The following AHCYL2 variants were observed in gnomAD, a reference collection of about 807,000 sequenced individuals.
AHCYL2 encodes the protein adenosylhomocysteinase like 2.
A neutral mutation model predicts 81.4 loss-of-function variants in AHCYL2; 28 were observed. That is an observed-to-expected ratio of 0.34 (90% CI 0.25 to 0.47). AHCYL2 has a LOEUF of 0.47. Ranked by LOEUF, AHCYL2 falls within the 20% of genes least tolerant of loss-of-function variation. The probability of loss-of-function intolerance (pLI) is 1.00; values close to 1 mark genes in which losing one functional copy is unlikely to be tolerated. For synonymous variants in AHCYL2, 272 were observed against 290.2 expected (o/e 0.94, Z 0.64); for missense variants, 551 against 785.1 (o/e 0.70, Z 3.56).
chr7:129,341,204 T>C (rs985482567), intron 1 of AHCYL2, among the ~76,000 whole-genome samples: 1 of 152,216 alleles, frequency 6.6e-6, no homozygotes. Context: ...TAGCAAAGAA[T>C]AGAAATTTTT....
chr7:129,418,437 C>T (rs1293734604), intron 12 of AHCYL2, among the ~76,000 whole-genome samples: 4 of 152,050 alleles, frequency 2.6e-5, no homozygotes, highest in African/African-American at 9.7e-5. Flanking sequence ...GTAGCTGGGA[C>T]TACAGGCGCC....
intron 1 of AHCYL2, among the ~76,000 whole-genome samples, chr7:129,378,051 C>T (rs1192413343): frequency 2.0e-5 from 3 of 151,848 alleles, no homozygotes; most frequent in Non-Finnish European, 4.4e-5. Context: ...TGGTGGCTCA[C>T]GCCTGTAATC....
intron 9 of AHCYL2, 25 bp downstream of exon 9, chr7:129,405,924 A>T (rs12706882): frequency 6.2e-7 from 1 of 1,605,454 alleles, no homozygotes; most frequent in East Asian, 2.2e-5. Flanking sequence ...TTTGTTTATT[A>T]GGTGTTTTAA....
intron 1 of AHCYL2, among the ~76,000 whole-genome samples, chr7:129,263,061 A>T (rs997210976): frequency 3.3e-5 from 5 of 152,206 alleles, no homozygotes; most frequent in African/African-American, 1.2e-4. Context: ...TAAGCTGGGG[A>T]TGTGATCAAA....
chr7:129,394,881 TA>T (rs113751975), intron 4 of AHCYL2, among the ~76,000 whole-genome samples: 39 of 152,318 alleles, frequency 2.6e-4, no homozygotes, highest in Admixed American at 2.5e-3. Flanking sequence ...ATCCTGTGTA[TA>T]AAAAAATATA....
intron 1 of AHCYL2, among the ~76,000 whole-genome samples, chr7:129,339,821 C>T (rs1324124421): frequency 4.6e-5 from 7 of 152,072 alleles, no homozygotes; most frequent in Admixed American, 6.5e-5. Flanking sequence ...TGAGCCACCT[C>T]GCCTGGCCAC....
intron 1 of AHCYL2, among the ~76,000 whole-genome samples, chr7:129,309,157 A>T (rs545595569): frequency 6.6e-6 from 1 of 152,140 alleles, no homozygotes; most frequent in African/African-American, 2.4e-5. Flanking sequence ...ACTTGAACCC[A>T]GGAGGTGGAG....
At chr7:129,274,557 C>T (rs969493611) in intron 1 of AHCYL2, among the ~76,000 whole-genome samples, 3 of 152,124 alleles carry the variant, frequency 2.0e-5, no homozygotes, top group Non-Finnish European at 4.4e-5. Flanking sequence ...TTCCCTTGTC[C>T]CCTTGAATCT....
intron 1 of AHCYL2, among the ~76,000 whole-genome samples, chr7:129,296,392 G>A (rs1173566386): frequency 6.6e-6 from 1 of 152,228 alleles, no homozygotes; most frequent in African/African-American, 2.4e-5. Flanking sequence ...ATTTTCTGGT[G>A]TTATGTTGGC....
chr7:129,394,203 A>C (rs1170912442), intron 4 of AHCYL2, among the ~76,000 whole-genome samples: 2 of 151,416 alleles, frequency 1.3e-5, no homozygotes, highest in African/African-American at 4.9e-5. Context: ...TAGAGAAGAG[A>C]TCTTGCTGTG....
rs151175868 is a variant in AHCYL2, at chr7:129,236,290, T to G, written c.363+10851T>G. On this transcript the variant is annotated intron_variant, in intron 1 of 16. Transcript: ENST00000325006. ...ATCTCAGCTCACTGCAACCTCCGTC[T>G]TTCAGGTTCAAGCGATTCTCTTGCC... Among the ~76,000 whole-genome samples the G allele has an allele frequency of 7.5e-3, 1,145 of 152,132 alleles. 13 individuals are homozygous for G. Among genetic ancestry groups the G allele is most frequent in the African/African-American group, 0.026 (1,061 of 41,482 alleles).
At chr7:129,359,172 A>G (rs1584821439) in intron 1 of AHCYL2, among the ~76,000 whole-genome samples, 1 of 152,366 alleles carries the variant, frequency 6.6e-6, no homozygotes, top group African/African-American at 2.4e-5. Context: ...ACTTTCCCAC[A>G]ATATAAATAA....
chr7:129,307,836 C>T (rs1318556497), intron 1 of AHCYL2, among the ~76,000 whole-genome samples: 9 of 151,788 alleles, frequency 5.9e-5, no homozygotes, highest in Non-Finnish European at 1.3e-4. Flanking sequence ...TGAATCCTGC[C>T]AGGACTGTTT....
chr7:129,362,605 T>G (rs1049982629), intron 1 of AHCYL2, among the ~76,000 whole-genome samples: 11 of 143,934 alleles, frequency 7.6e-5, no homozygotes, highest in East Asian at 4.0e-4. Context: ...TTGTTTTTTT[T>G]TTTTTTTTTT....
chr7:129,349,314 T>C (rs570009864), intron 1 of AHCYL2, among the ~76,000 whole-genome samples: 9 of 151,818 alleles, frequency 5.9e-5, no homozygotes, highest in Admixed American at 2.0e-4. Context: ...AGGGATAAAA[T>C]TGGAGGTTTG....
At chr7:129,403,975 CTT>C (rs2150935595) in intron 7 of AHCYL2, among the ~76,000 whole-genome samples, 1 of 146,882 alleles carries the variant, frequency 6.8e-6, no homozygotes, top group South Asian at 2.2e-4. Context: ...GCAGATCTCT[CTT>C]GTTTTTTTTT....
chr7:129,397,996 G>GCATT (rs1795826186), intron 5 of AHCYL2, among the ~76,000 whole-genome samples: 2 of 151,992 alleles, frequency 1.3e-5, no homozygotes, highest in Non-Finnish European at 2.9e-5. Context: ...TTGTACATAC[G>GCATT]CATTCATTTC....
chr7:129,276,320 A>T (rs1348258103), intron 1 of AHCYL2, among the ~76,000 whole-genome samples: 1 of 152,068 alleles, frequency 6.6e-6, no homozygotes, highest in African/African-American at 2.4e-5. Flanking sequence ...ACAGCCTTAC[A>T]TGCTTATATT....
In AHCYL2 at chr7:129,401,359, C is replaced by A. The variant is rs553975579; in HGVS notation, c.918+975C>A. ...CCAGTGCCCCCCCCCAAAAAAGCTA[C>A]ACAAAGTATAAGGTGCTCCTATTTT... On this transcript the variant is annotated intron_variant, in intron 6 of 16. Coordinates refer to ENST00000325006, the MANE Select transcript of AHCYL2 (RefSeq NM_015328.4). Among the ~76,000 whole-genome samples, 10 of 144,788 alleles carry A rather than the reference C, an allele frequency of 6.9e-5. No individual in the cohort carries two copies. The South Asian group carries it at 1.1e-3, about 16-fold the overall frequency. The allele number at this position is 144,788 out of a possible 152,430, so 95.0% of individuals were successfully genotyped here. A position where few individuals can be genotyped will look rare whatever the true frequency, so the allele number is the denominator to read the frequency against.
Sources: gnomAD v4.1 joint callset for allele counts (sites outside exome capture counted in the v4.1 genomes callset) on GRCh38, gnomAD v4.1.1 for gene constraint, MANE v1.5 for transcripts, NCBI Gene and HGNC (gene_info 2026-07-23, HGNC 2026-07-21) for gene names.